The following CSMD1 variants were observed in gnomAD, a reference collection of about 807,000 sequenced individuals.
The protein encoded by CSMD1 is CUB and Sushi multiple domains 1, also known as CUB and sushi domain-containing protein 1.
In CSMD1, 213 loss-of-function variants were observed where a neutral mutation model predicts 417.5. That is an observed-to-expected ratio of 0.51 (90% CI 0.46 to 0.57). The LOEUF (loss-of-function observed/expected upper bound fraction) is 0.57. CSMD1 is among the 20% of genes least tolerant of loss of function. The pLI is 0.00. For synonymous variants in CSMD1, 2,862 were observed against 1,736.8 expected (o/e 1.65, Z -16.11); for missense variants, 6,923 against 4,529.7 (o/e 1.53, Z -15.17).
At chr8:3,843,085 T>C (rs1803239965) in intron 5 of CSMD1, among the ~76,000 whole-genome samples, 1 of 152,166 alleles carries the variant, frequency 6.6e-6, no homozygotes, top group Admixed American at 6.6e-5. Context: ...TCAGTATCGT[T>C]TTCTCTTTTT....
intron 1 of CSMD1, among the ~76,000 whole-genome samples, chr8:4,660,713 G>C (rs1282091790): frequency 6.6e-6 from 1 of 151,904 alleles, no homozygotes; most frequent in East Asian, 1.9e-4. Context: ...GAAAGTATTT[G>C]AAAATCACAT....
chr8:4,784,263 G>C (rs1244723325), intron 1 of CSMD1, among the ~76,000 whole-genome samples: 1 of 152,184 alleles, frequency 6.6e-6, no homozygotes, highest in Non-Finnish European at 1.5e-5. Context: ...AAGTAAACAG[G>C]CTTTACCTTC....
chr8:3,532,735 A>T (rs1199953361), intron 10 of CSMD1, among the ~76,000 whole-genome samples: 3 of 152,196 alleles, frequency 2.0e-5, no homozygotes, highest in Admixed American at 2.0e-4. Flanking sequence ...TCAGTATGTC[A>T]TATCTATTGA....
chr8:4,337,728 G>T (rs2128893819), intron 3 of CSMD1, among the ~76,000 whole-genome samples: 1 of 152,216 alleles, frequency 6.6e-6, no homozygotes, highest in East Asian at 1.9e-4. Flanking sequence ...ATTTGCCATT[G>T]ACATAGAATG....
chr8:4,159,958 G>A (rs972579364), intron 3 of CSMD1, among the ~76,000 whole-genome samples: 2 of 152,064 alleles, frequency 1.3e-5, no homozygotes, highest in Non-Finnish European at 2.9e-5. Context: ...GGGAGGGGGT[G>A]AGGGATAAAA....
chr8:3,501,553 G>C (rs1416282301), intron 10 of CSMD1, among the ~76,000 whole-genome samples: 1 of 152,070 alleles, frequency 6.6e-6, no homozygotes, highest in African/African-American at 2.4e-5. Context: ...AATAACTGTA[G>C]GTTTGAAATT....
intron 7 of CSMD1, among the ~76,000 whole-genome samples, chr8:3,670,814 T>TGGGATATATATGTATAC (rs1798972307): frequency 6.6e-5 from 10 of 150,596 alleles, no homozygotes; most frequent in African/African-American, 2.2e-4. Flanking sequence ...TATATGTATA[T>TGGGATATATATGTATAC]GGGATATATG....
chr8:4,399,245 G>A (rs895915195), intron 3 of CSMD1, among the ~76,000 whole-genome samples: 4 of 152,172 alleles, frequency 2.6e-5, no homozygotes, highest in South Asian at 2.1e-4. Flanking sequence ...CCCCTTGTGT[G>A]TAATTCCTCC....
At chr8:4,051,518 A>G (rs1305938715) in intron 3 of CSMD1, among the ~76,000 whole-genome samples, 5 of 152,168 alleles carry the variant, frequency 3.3e-5, no homozygotes, top group African/African-American at 7.2e-5. Context: ...GACCTAGCAC[A>G]AAATGCAACT....
At chr8:4,883,206 G>A (rs889665818) in intron 1 of CSMD1, among the ~76,000 whole-genome samples, 3 of 151,948 alleles carry the variant, frequency 2.0e-5, no homozygotes, top group Non-Finnish European at 2.9e-5. Flanking sequence ...AGAACATGAC[G>A]TCTACCAGAG....
chr8:3,648,121 C>T (rs970002900), intron 7 of CSMD1, among the ~76,000 whole-genome samples: 7 of 152,186 alleles, frequency 4.6e-5, no homozygotes, highest in Non-Finnish European at 1.0e-4. Context: ...AAAAACAGAA[C>T]CTACCACTTT....
chr8:3,256,381 G>C (rs1026687038), intron 26 of CSMD1, among the ~76,000 whole-genome samples: 2 of 151,800 alleles, frequency 1.3e-5, no homozygotes, highest in South Asian at 4.2e-4. Context: ...TGTAACAATG[G>C]CAGTAGGCAG....
At chr8:3,642,143 C>A (rs1309274469) in intron 7 of CSMD1, among the ~76,000 whole-genome samples, 1 of 151,702 alleles carries the variant, frequency 6.6e-6, no homozygotes, top group African/African-American at 2.4e-5. Context: ...CACAAATAGA[C>A]AAAGATATGA....
intron 1 of CSMD1, among the ~76,000 whole-genome samples, chr8:4,882,451 A>G (rs1004392936): frequency 1.3e-5 from 2 of 151,076 alleles, no homozygotes; most frequent in African/African-American, 2.5e-5. Flanking sequence ...TTTGAAGAGT[A>G]TTGGGGGGCG....
chr8:4,846,572 A>G (rs1801159405), intron 1 of CSMD1, among the ~76,000 whole-genome samples: 1 of 152,162 alleles, frequency 6.6e-6, no homozygotes, highest in South Asian at 2.1e-4. Context: ...AACTCATGGT[A>G]CTTTTCTACC....
chr8:4,532,303 C>G (rs1208390368), intron 2 of CSMD1, among the ~76,000 whole-genome samples: 3 of 150,508 alleles, frequency 2.0e-5, no homozygotes, highest in Admixed American at 6.6e-5. Flanking sequence ...TTCACAGTCA[C>G]TCCAGAAAAG....
intron 7 of CSMD1, among the ~76,000 whole-genome samples, chr8:3,650,452 A>G (rs1211212307): frequency 6.6e-6 from 1 of 152,218 alleles, no homozygotes; most frequent in Admixed American, 6.5e-5. Flanking sequence ...AAACTCATCG[A>G]AGAACTCATC....
rs12681703 is a variant in CSMD1, at chr8:4,940,816, G to C, written c.85+53516C>G. Among the ~76,000 whole-genome samples the C allele has an allele frequency of 9.4e-3, 1,438 of 152,254 alleles. 85 individuals are homozygous for C. In the East Asian group the frequency reaches 0.15, roughly 16 times the overall value. ...TTAAATCATAATCTCTGTACCATGT[G>C]TCAGCTTGTACCATGTGTCAGGTAA... On this transcript the variant is annotated intron_variant, in intron 1 of 69. Coordinates refer to ENST00000635120, the MANE Select transcript of CSMD1 (RefSeq NM_033225.6).
At chr8:3,053,670 C>A (rs186828289) in intron 49 of CSMD1, among the ~76,000 whole-genome samples, 2 of 152,136 alleles carry the variant, frequency 1.3e-5, no homozygotes, top group South Asian at 2.1e-4. Context: ...CTGTGTAAAC[C>A]CTTTCTTCTT....
Sources: allele counts gnomAD v4.1 joint callset (sites outside exome capture counted in the v4.1 genomes callset), GRCh38; gene constraint gnomAD v4.1.1; transcripts MANE v1.5; gene names NCBI Gene and HGNC (gene_info 2026-07-23, HGNC 2026-07-21).